Variants in SHISA9 observed in about 807,000 individuals in gnomAD.
The protein encoded by SHISA9 is shisa family member 9.
In SHISA9, 13 loss-of-function variants were observed where a neutral mutation model predicts 38.0. The observed-to-expected ratio is 0.34, with a 90% CI of 0.22 to 0.54. SHISA9 has a LOEUF of 0.54. Ranked by LOEUF, SHISA9 falls within the 20% of genes least tolerant of loss-of-function variation. The probability of loss-of-function intolerance (pLI) is 0.91; values close to 1 mark genes in which losing one functional copy is unlikely to be tolerated. For synonymous variants in SHISA9, 275 were observed against 242.0 expected, an observed-to-expected ratio of 1.14 and a Z score of -1.27; for missense variants, 538 against 575.8, an observed-to-expected ratio of 0.93 and a Z score of 0.67.
At chr16:13,051,133 A>G (rs951553826) in intron 2 of SHISA9, among the ~76,000 whole-genome samples, 7 of 152,252 alleles carry the variant, frequency 4.6e-5, no homozygotes, top group African/African-American at 1.7e-4. Context: ...TAATAAAGAC[A>G]TACCCAAGTC....
In SHISA9 at chr16:12,953,935, C is replaced by G. The variant is rs1303872608; in HGVS notation, c.691+37120C>G. 2.6e-5 allele frequency among the ~76,000 whole-genome samples: 4 copies of G among 152,182 alleles called. No homozygotes were observed. The South Asian group carries it at 8.3e-4, about 32-fold the overall frequency. On this transcript the variant is annotated intron_variant, in intron 2 of 4. Coordinates refer to ENST00000558583, the MANE Select transcript of SHISA9 (RefSeq NM_001145204.3). Reference sequence around the variant, plus strand: ...GCTCTTGTGAGAACTCACTCACTGTCATGAGAACAGCATGGGGGAAACTGC... The same window carrying G: ...GCTCTTGTGAGAACTCACTCACTGTGATGAGAACAGCATGGGGGAAACTGC...
chr16:13,053,612 C>G (rs1349112570), intron 2 of SHISA9, among the ~76,000 whole-genome samples: 1 of 151,286 alleles, frequency 6.6e-6, no homozygotes, highest in Non-Finnish European at 1.5e-5. Context: ...TTCACCTTGC[C>G]TGATTCCCTG....
chr16:13,253,366 C>G, the SHISA9 span, among the ~76,000 whole-genome samples: 1 of 152,110 alleles, frequency 6.6e-6, no homozygotes, highest in Non-Finnish European at 1.5e-5. Flanking sequence ...CTTATGGGAA[C>G]ACCTGTCCAA....
At chr16:13,292,020 T>C in the SHISA9 span, among the ~76,000 whole-genome samples, 1 of 151,848 alleles carries the variant, frequency 6.6e-6, no homozygotes, top group African/African-American at 2.4e-5. Context: ...GTCTATATAT[T>C]TTTCCTCTTT....
At chr16:13,188,267 G>A (rs1437501631) in intron 2 of SHISA9, among the ~76,000 whole-genome samples, 1 of 152,176 alleles carries the variant, frequency 6.6e-6, no homozygotes, top group Non-Finnish European at 1.5e-5. Flanking sequence ...TGACTTTTAG[G>A]TAAAGCACCT....
Position 12,916,925 on chromosome 16 carries a change from C to T in SHISA9, c.691+110C>T, listed in dbSNP as rs867865293. ...GGGTTAGTTAAGAGCTCTTTGTGGG[C>T]AAGTTAGAAGCTTTCTTTCATGTCT... On this transcript the variant is annotated intron_variant, in intron 2 of 4. Coordinates refer to ENST00000558583, the MANE Select transcript of SHISA9 (RefSeq NM_001145204.3). The T allele has an allele frequency of 9.0e-6, 11 of 1,228,180 alleles. 2 individuals are homozygous for T. The Middle Eastern group carries it at 8.4e-4, about 94-fold the overall frequency. 76.1% of individuals were successfully genotyped at this position (1,228,180 alleles called of 1,614,324 possible).
At chr16:13,421,874 C>T in the SHISA9 span, among the ~76,000 whole-genome samples, 6 of 152,144 alleles carry the variant, frequency 3.9e-5, no homozygotes, top group Non-Finnish European at 8.8e-5. Flanking sequence ...ATGCTTCCAG[C>T]CACACTAAAA....
intron 1 of SHISA9, among the ~76,000 whole-genome samples, chr16:12,911,904 T>C (rs2141715396): frequency 6.6e-6 from 1 of 152,358 alleles, no homozygotes; most frequent in South Asian, 2.1e-4. Flanking sequence ...ATTGCAGTTT[T>C]TGCCATTACT....
At chr16:13,262,195 A>G in the SHISA9 span, among the ~76,000 whole-genome samples, 1 of 152,218 alleles carries the variant, frequency 6.6e-6, no homozygotes, top group East Asian at 1.9e-4. Context: ...AAAACAAAAT[A>G]AAACATACAA....
the SHISA9 span, among the ~76,000 whole-genome samples, chr16:13,389,518 G>T: frequency 1.4e-4 from 22 of 151,980 alleles, no homozygotes; most frequent in African/African-American, 5.3e-4. Context: ...ATTTAAAAAA[G>T]AAAACATTTC....
At chr16:13,545,146 C>T in the SHISA9 span, among the ~76,000 whole-genome samples, 1 of 152,152 alleles carries the variant, frequency 6.6e-6, no homozygotes, top group East Asian at 1.9e-4. Flanking sequence ...ACAGATGACA[C>T]CTACCCAGTT....
At chr16:13,452,715 C>T in the SHISA9 span, among the ~76,000 whole-genome samples, 1 of 152,040 alleles carries the variant, frequency 6.6e-6, no homozygotes, top group African/African-American at 2.4e-5. Context: ...AGCTATTTGG[C>T]TCAACCTCTT....
chr16:13,345,678 C>T, the SHISA9 span, among the ~76,000 whole-genome samples: 2 of 151,984 alleles, frequency 1.3e-5, no homozygotes, highest in Non-Finnish European at 1.5e-5. Flanking sequence ...AATCACTACA[C>T]TGTCTCCACA....
chr16:13,529,524 A>C, the SHISA9 span, among the ~76,000 whole-genome samples: 1 of 152,204 alleles, frequency 6.6e-6, no homozygotes, highest in Non-Finnish European at 1.5e-5. Flanking sequence ...TTTGCTTGTA[A>C]CTTCTGCTTC....
At chr16:13,532,262 A>C in the SHISA9 span, among the ~76,000 whole-genome samples, 5 of 152,328 alleles carry the variant, frequency 3.3e-5, no homozygotes, top group South Asian at 1.0e-3. Flanking sequence ...GCCCAGCCCT[A>C]GATCAGGCTG....
intron 1 of SHISA9, chr16:12,909,228 A>G (rs2071147514): frequency 2.0e-6 from 2 of 985,370 alleles, no homozygotes; most frequent in African/African-American, 1.7e-5. Flanking sequence ...TCATTGAAGT[A>G]TAATTTACAC....
At chr16:13,233,734 G>A (rs2051354144) in intron 4 of SHISA9, among the ~76,000 whole-genome samples, 1 of 152,244 alleles carries the variant, frequency 6.6e-6, no homozygotes, top group East Asian at 1.9e-4. Flanking sequence ...AACAGGCCTG[G>A]TGCGGTAGCT....
the SHISA9 span, among the ~76,000 whole-genome samples, chr16:13,472,594 A>G: frequency 1.1e-4 from 16 of 151,976 alleles, no homozygotes; most frequent in South Asian, 2.1e-4. Flanking sequence ...GGGTTTCACC[A>G]TGTTAGCCAG....
intron 3 of SHISA9, among the ~76,000 whole-genome samples, chr16:13,211,111 A>G (rs2051114846): frequency 1.3e-5 from 2 of 152,142 alleles, no homozygotes; most frequent in Non-Finnish European, 2.9e-5. Flanking sequence ...AGCCTGGCCA[A>G]CGTGGTGAAA....
Sources: gnomAD v4.1 joint callset for allele counts (sites outside exome capture counted in the v4.1 genomes callset) on GRCh38, gnomAD v4.1.1 for gene constraint, MANE v1.5 for transcripts, NCBI Gene and HGNC (gene_info 2026-07-23, HGNC 2026-07-21) for gene names.